The following PDE7B variants were observed in gnomAD, a reference collection of about 807,000 sequenced individuals.
PDE7B encodes 3',5'-cyclic-AMP phosphodiesterase 7B.
A neutral mutation model predicts 56.2 loss-of-function variants in PDE7B; 29 were observed. The ratio of observed to expected loss-of-function variants is 0.52; its 90% CI spans 0.38 to 0.70. The LOEUF (loss-of-function observed/expected upper bound fraction) is 0.70. Ranked by LOEUF, PDE7B falls within the 30% of genes least tolerant of loss-of-function variation. PDE7B has a pLI of 0.00. For synonymous variants in PDE7B, 197 were observed against 196.9 expected, an observed-to-expected ratio of 1.00 and a Z score of 0.00; for missense variants, 490 against 565.0, an observed-to-expected ratio of 0.87 and a Z score of 1.35.
chr6:135,874,832 G>A (rs1057396396), intron 1 of PDE7B, among the ~76,000 whole-genome samples: 1 of 152,036 alleles, frequency 6.6e-6, no homozygotes, highest in African/African-American at 2.4e-5. Context: ...ACTGTAATAG[G>A]TAAATTAAAA....
chr6:136,153,405 C>T (rs1407909238), intron 6 of PDE7B, among the ~76,000 whole-genome samples: 1 of 152,146 alleles, frequency 6.6e-6, no homozygotes, highest in Non-Finnish European at 1.5e-5. Flanking sequence ...AGCAGGTTAG[C>T]GTCTTCCATA....
intron 1 of PDE7B, among the ~76,000 whole-genome samples, chr6:135,915,799 G>A (rs1017616805): frequency 1.3e-5 from 2 of 152,156 alleles, no homozygotes; most frequent in African/African-American, 2.4e-5. Flanking sequence ...AGAATTATAC[G>A]GAATGTGCGT....
chr6:135,895,675 A>T (rs1290076238), intron 1 of PDE7B, among the ~76,000 whole-genome samples: 4 of 152,186 alleles, frequency 2.6e-5, no homozygotes, highest in Non-Finnish European at 5.9e-5. Flanking sequence ...AATAGAAATA[A>T]GGTCTCATGA....
rs1779022961 is a variant in PDE7B at position 136,179,073 on chromosome 6, T to C, written c.880T>C (p.Leu294=). 1.9e-6 allele frequency: 3 copies of C among 1,614,070 alleles called. No individual in the cohort carries two copies. Among genetic ancestry groups the C allele is most frequent in the East Asian group, 2.2e-5 (1 of 44,884 alleles). Residue 294 remains leucine, a synonymous_variant, in exon 10 of 13, where the codon TTG becomes CTG. Transcript: ENST00000308191. Reference sequence around the variant, plus strand: ...CAGGCAGAATGAATTTTTGACCAGATTGAAAGCTCACCTCCACAATAAAGA... The same window carrying C: ...CAGGCAGAATGAATTTTTGACCAGACTGAAAGCTCACCTCCACAATAAAGA... ...INRQNEFLTR[L]KAHLHNKDLR... is the part of the protein sequence containing the mutation.
chr6:135,929,681 T>G (rs145556160), intron 1 of PDE7B, among the ~76,000 whole-genome samples: 2 of 152,300 alleles, frequency 1.3e-5, no homozygotes, highest in East Asian at 3.9e-4. Context: ...TGAAAAGAAG[T>G]TAGAGGCCTT....
chr6:135,912,916 C>T (rs1412957904), intron 1 of PDE7B, among the ~76,000 whole-genome samples: 2 of 152,098 alleles, frequency 1.3e-5, no homozygotes, highest in East Asian at 3.9e-4. Flanking sequence ...AGGGGATCAA[C>T]CATCCTGTCT....
At chr6:135,933,273 T>G (rs946040449) in intron 1 of PDE7B, among the ~76,000 whole-genome samples, 5 of 152,264 alleles carry the variant, frequency 3.3e-5, no homozygotes, top group Admixed American at 2.6e-4. Flanking sequence ...GTGTTTACTT[T>G]GTGTGTACAC....
intron 12 of PDE7B, among the ~76,000 whole-genome samples, chr6:136,188,064 G>A (rs1401140401): frequency 1.3e-5 from 2 of 151,978 alleles, no homozygotes; most frequent in Non-Finnish European, 2.9e-5. Context: ...TAGGGAAGGG[G>A]GTATCTGAAA....
chr6:136,171,470 G>T (rs936681284), intron 8 of PDE7B, among the ~76,000 whole-genome samples: 1 of 152,148 alleles, frequency 6.6e-6, no homozygotes, highest in Non-Finnish European at 1.5e-5. Flanking sequence ...TACCCTGGTG[G>T]TTTGGGCTTA....
chr6:136,036,861 G>T (rs1298313227), intron 2 of PDE7B, among the ~76,000 whole-genome samples: 11 of 152,244 alleles, frequency 7.2e-5, no homozygotes, highest in Non-Finnish European at 1.5e-5. Context: ...ACTTGAATGT[G>T]CAAGTTCAAA....
intron 2 of PDE7B, among the ~76,000 whole-genome samples, chr6:135,991,102 G>T (rs892341789): frequency 1.3e-5 from 2 of 152,126 alleles, no homozygotes; most frequent in African/African-American, 4.8e-5. Context: ...GCAGTGAGAC[G>T]ACCAGAGGTC....
rs1779258182 is a variant in PDE7B at position 136,193,219 on chromosome 6, C to T, written c.*1379C>T. 4 of 152,634 alleles carry T rather than the reference C, an allele frequency of 2.6e-5. No individual in the cohort carries two copies. The highest frequency in any genetic ancestry group is 2.6e-4 in the Admixed American group (4 of 15,280). The allele number at this position is 152,634 out of a possible 1,614,324, so 9.5% of individuals were successfully genotyped here. On this transcript the variant is annotated 3_prime_UTR_variant, in exon 13 of 13. Coordinates refer to ENST00000308191, the MANE Select transcript of PDE7B (RefSeq NM_018945.4). ...ATCAGGGAATTCCCTGCTCCCATGC[C>T]ACACATTTGTCTATTATGGCTATAG...
intron 2 of PDE7B, among the ~76,000 whole-genome samples, chr6:136,049,770 T>A (rs1776592204): frequency 6.6e-6 from 1 of 151,894 alleles, no homozygotes; most frequent in Non-Finnish European, 1.5e-5. Context: ...GCATTAGGAG[T>A]GAAGAAGAGT....
chr6:135,962,608 G>A (rs1774921420), intron 2 of PDE7B, among the ~76,000 whole-genome samples: 1 of 151,942 alleles, frequency 6.6e-6, no homozygotes, highest in South Asian at 2.1e-4. Flanking sequence ...GTTTCTTATT[G>A]TTTGTTTGCA....
At chr6:135,862,751 TTTG>T (rs1291210942) in intron 1 of PDE7B, among the ~76,000 whole-genome samples, 16 of 151,914 alleles carry the variant, frequency 1.1e-4, no homozygotes, top group African/African-American at 2.4e-4. Context: ...TTCTCATGGA[TTTG>T]TTGTTGTTGT....
Position 136,154,136 on chromosome 6 carries a change from C to T in PDE7B, c.540C>T (p.Asp180=), listed in dbSNP as rs369160812. ...ATCACAATGCTGTTCACGCAGCCGA[C>T]GTCACCCAGGCCATGCACTGCTACC... is the stretch of plus-strand genomic sequence containing the variant. ...NPYHNAVHAA[D]VTQAMHCYLK... Residue 180 remains aspartate, a synonymous_variant, in exon 7 of 13, where the codon GAC becomes GAT. Transcript: ENST00000308191. 3.9e-5 allele frequency: 63 copies of T among 1,613,682 alleles called. No individual in the cohort carries two copies. Among genetic ancestry groups the T allele is most frequent in the South Asian group, 1.1e-4 (10 of 91,072 alleles).
At chr6:136,102,987 G>T (rs1777588079) in intron 2 of PDE7B, among the ~76,000 whole-genome samples, 1 of 151,692 alleles carries the variant, frequency 6.6e-6, no homozygotes, top group African/African-American at 2.4e-5. Context: ...TTTTTAAGAA[G>T]AGAAGAAAGA....
intron 1 of PDE7B, among the ~76,000 whole-genome samples, chr6:135,909,509 G>A (rs1355910437): frequency 6.6e-6 from 1 of 151,986 alleles, no homozygotes; most frequent in African/African-American, 2.4e-5. Flanking sequence ...CAGAGGCTGA[G>A]GCACGAGAAT....
At chr6:135,865,480 G>A (rs1562415907) in intron 1 of PDE7B, among the ~76,000 whole-genome samples, 2 of 151,968 alleles carry the variant, frequency 1.3e-5, no homozygotes, top group South Asian at 2.1e-4. Flanking sequence ...AACATATTCT[G>A]CAAATCATTA....
Sources: allele counts gnomAD v4.1 joint callset (sites outside exome capture counted in the v4.1 genomes callset), GRCh38; gene constraint gnomAD v4.1.1; transcripts MANE v1.5; gene names NCBI Gene and HGNC (gene_info 2026-07-23, HGNC 2026-07-21).